LUZP2: variants seen among roughly 807,000 people sequenced by gnomAD.
The protein encoded by LUZP2 is leucine zipper protein 2.
LUZP2 carries 52 observed loss-of-function variants against 51.6 expected under a neutral mutation model. The observed-to-expected ratio is 1.01, with a 90% CI of 0.81 to 1.27. The LOEUF (loss-of-function observed/expected upper bound fraction) is 1.27. Among genes scored for constraint, LUZP2 ranks in the 50% most tolerant of loss-of-function variants. The pLI, the probability that LUZP2 is intolerant of heterozygous loss-of-function variation, is 0.00. For synonymous variants in LUZP2, 154 were observed against 137.3 expected (o/e 1.12, Z -0.85); for missense variants, 436 against 395.4 (o/e 1.10, Z -0.87).
intron 5 of LUZP2, among the ~76,000 whole-genome samples, chr11:24,876,475 G>T (rs1852265435): frequency 6.7e-6 from 1 of 149,120 alleles, no homozygotes; most frequent in South Asian, 2.2e-4. Flanking sequence ...TTTGGTACCA[G>T]TACCATGCTG....
At chr11:24,665,978 G>A (rs148241789) in intron 1 of LUZP2, among the ~76,000 whole-genome samples, 1 of 151,996 alleles carries the variant, frequency 6.6e-6, no homozygotes, top group Admixed American at 6.6e-5. Context: ...AATTTTTCAA[G>A]TTATTTTTAG....
intron 1 of LUZP2, among the ~76,000 whole-genome samples, chr11:24,509,915 T>C (rs1386443194): frequency 2.0e-5 from 3 of 152,182 alleles, no homozygotes; most frequent in African/African-American, 7.2e-5. Context: ...TAACATTAAG[T>C]GAATTCTCAA....
chr11:24,909,334 T>C (rs527523375), intron 6 of LUZP2, among the ~76,000 whole-genome samples: 1 of 151,984 alleles, frequency 6.6e-6, no homozygotes, highest in African/African-American at 2.4e-5. Flanking sequence ...TTTAATTATG[T>C]TTTAAAAATG....
Position 24,906,505 on chromosome 11 carries a change from G to A in LUZP2, c.459+452G>A, listed in dbSNP as rs1349208973. 6.6e-5 allele frequency among the ~76,000 whole-genome samples: 10 copies of A among 151,872 alleles called. No individual in the cohort carries two copies. In the East Asian group the frequency reaches 1.9e-3, roughly 29 times the overall value. On this transcript the variant is annotated intron_variant, in intron 6 of 11. Transcript: ENST00000336930. ...TACACTCATTGGTTCTATTTGCTGT[G>A]TAGTAAAATTGTCTCATATATTTCT...
intron 5 of LUZP2, among the ~76,000 whole-genome samples, chr11:24,873,879 A>G (rs2134273793): frequency 6.6e-6 from 1 of 152,312 alleles, no homozygotes; most frequent in East Asian, 1.9e-4. Context: ...AGGGCTGTTA[A>G]GAAAATTGTA....
At chr11:25,033,906 T>C (rs555221413) in intron 9 of LUZP2, among the ~76,000 whole-genome samples, 3 of 152,240 alleles carry the variant, frequency 2.0e-5, no homozygotes, top group African/African-American at 7.2e-5. Context: ...CCTGTGTCTT[T>C]TTGGTAGAAT....
chr11:24,584,897 C>A (rs1001440574), intron 1 of LUZP2, among the ~76,000 whole-genome samples: 3 of 152,184 alleles, frequency 2.0e-5, no homozygotes, highest in Non-Finnish European at 1.5e-5. Flanking sequence ...AAATAGCTAC[C>A]ACTAACAGAA....
intron 1 of LUZP2, among the ~76,000 whole-genome samples, chr11:24,615,463 C>T (rs1396001352): frequency 6.6e-6 from 1 of 152,054 alleles, no homozygotes; most frequent in Non-Finnish European, 1.5e-5. Context: ...TCTGGAGACT[C>T]ATCCAAATTG....
At chr11:24,673,790 G>A (rs561945349) in intron 1 of LUZP2, among the ~76,000 whole-genome samples, 1 of 152,308 alleles carries the variant, frequency 6.6e-6, no homozygotes, top group Non-Finnish European at 1.5e-5. Context: ...TGAGGGCAAG[G>A]CATTAGCTCT....
intron 6 of LUZP2, among the ~76,000 whole-genome samples, chr11:24,908,766 T>C (rs2133792455): frequency 6.7e-6 from 1 of 149,744 alleles, no homozygotes; most frequent in East Asian, 1.9e-4. Flanking sequence ...TTCTTTTTTT[T>C]TTTTTTTGAG....
At chr11:24,967,044 T>G (rs1325598360) in intron 7 of LUZP2, among the ~76,000 whole-genome samples, 6 of 151,646 alleles carry the variant, frequency 4.0e-5, no homozygotes, top group Non-Finnish European at 8.9e-5. Flanking sequence ...TATATTTGGG[T>G]CAATTTCCAG....
intron 1 of LUZP2, among the ~76,000 whole-genome samples, chr11:24,499,151 T>C (rs914234773): frequency 6.6e-6 from 1 of 152,204 alleles, no homozygotes; most frequent in Non-Finnish European, 1.5e-5. Context: ...ACTTCTGCAA[T>C]GCTTGTGGTA....
At chr11:25,010,029 G>T (rs1856938006) in intron 9 of LUZP2, among the ~76,000 whole-genome samples, 1 of 152,068 alleles carries the variant, frequency 6.6e-6, no homozygotes, top group Admixed American at 6.6e-5. Context: ...GATTTTTAAA[G>T]TACATTAGTT....
At chr11:24,645,898 A>G (rs766990721) in intron 1 of LUZP2, among the ~76,000 whole-genome samples, 8 of 151,744 alleles carry the variant, frequency 5.3e-5, no homozygotes, top group Non-Finnish European at 1.0e-4. Context: ...AAATCTCATT[A>G]GCTTGTTTCA....
chr11:24,974,758 G>C (rs1359919910), intron 7 of LUZP2, among the ~76,000 whole-genome samples: 1 of 147,614 alleles, frequency 6.8e-6, no homozygotes, highest in Non-Finnish European at 1.5e-5. Flanking sequence ...GAATTTTAAA[G>C]ACCTTACAAT....
chr11:24,940,124 T>A (rs1308766672), intron 7 of LUZP2, among the ~76,000 whole-genome samples: 1 of 152,080 alleles, frequency 6.6e-6, no homozygotes, highest in Admixed American at 6.6e-5. Context: ...TATAGAAATA[T>A]TTTACCCAGA....
chr11:25,041,926 G>T (rs769957186), intron 9 of LUZP2, among the ~76,000 whole-genome samples: 2 of 152,148 alleles, frequency 1.3e-5, no homozygotes, highest in African/African-American at 4.8e-5. Context: ...CTGCGTGTGC[G>T]AGGGATCTGG....
At chr11:25,038,879 T>A (rs1430214545) in intron 9 of LUZP2, among the ~76,000 whole-genome samples, 1 of 152,220 alleles carries the variant, frequency 6.6e-6, no homozygotes, top group African/African-American at 2.4e-5. Context: ...TGCTGAATTC[T>A]TGCTCTTGGT....
At chr11:24,656,412 TA>T (rs1855806119) in intron 1 of LUZP2, among the ~76,000 whole-genome samples, 1 of 152,182 alleles carries the variant, frequency 6.6e-6, no homozygotes, top group Non-Finnish European at 1.5e-5. Flanking sequence ...CCTAAGCCCG[TA>T]TGGATTATTG....
Sources: allele counts gnomAD v4.1 joint callset (sites outside exome capture counted in the v4.1 genomes callset), GRCh38; gene constraint gnomAD v4.1.1; transcripts MANE v1.5; gene names NCBI Gene and HGNC (gene_info 2026-07-23, HGNC 2026-07-21).